The following ZFAT variants were observed in gnomAD, a reference collection of about 807,000 sequenced individuals.
ZFAT encodes zinc finger and AT-hook domain containing, also known as zinc finger protein ZFAT.
Under a neutral mutation model 117.7 loss-of-function variants are expected in ZFAT, and 64 were observed. The observed-to-expected ratio is 0.54, with a 90% CI of 0.44 to 0.67. The LOEUF (loss-of-function observed/expected upper bound fraction) is 0.67, where lower values mean the gene tolerates loss of function less well. ZFAT is among the 30% of genes least tolerant of loss of function. The probability of loss-of-function intolerance (pLI) is 0.00; values close to 1 mark genes in which losing one functional copy is unlikely to be tolerated. For missense variants in ZFAT, 1,433 were observed against 1,584.5 expected, an observed-to-expected ratio of 0.90 and a Z score of 1.62; for synonymous variants, 679 against 615.0, an observed-to-expected ratio of 1.10 and a Z score of -1.54.
the ZFAT span, among the ~76,000 whole-genome samples, chr8:134,831,943 C>T: frequency 6.6e-6 from 1 of 151,676 alleles, no homozygotes; most frequent in African/African-American, 2.4e-5. Flanking sequence ...CCGGTGTCCT[C>T]TCCGCTCCGG....
At chr8:134,701,852 T>C (rs1834016235) in intron 1 of ZFAT, among the ~76,000 whole-genome samples, 1 of 152,228 alleles carries the variant, frequency 6.6e-6, no homozygotes, top group Admixed American at 6.5e-5. Flanking sequence ...CTTGCTATGC[T>C]TTCAATGTTC....
intron 10 of ZFAT, among the ~76,000 whole-genome samples, chr8:134,582,882 T>C (rs2130844985): frequency 6.6e-6 from 1 of 152,398 alleles, no homozygotes; most frequent in South Asian, 2.1e-4. Flanking sequence ...TTTTGATTTC[T>C]ATAGTAAACT....
At chr8:134,831,354 A>G in the ZFAT span, among the ~76,000 whole-genome samples, 1 of 152,222 alleles carries the variant, frequency 6.6e-6, no homozygotes, top group Non-Finnish European at 1.5e-5. Flanking sequence ...CCTCTCTCCC[A>G]AGTAACTTTT....
the ZFAT span, among the ~76,000 whole-genome samples, chr8:134,802,875 A>T: frequency 6.6e-6 from 1 of 152,204 alleles, no homozygotes; most frequent in Non-Finnish European, 1.5e-5. Context: ...ATTTGCTATA[A>T]ATAATCAATT....
the ZFAT span, among the ~76,000 whole-genome samples, chr8:134,812,554 G>C: frequency 6.6e-6 from 1 of 152,214 alleles, no homozygotes; most frequent in East Asian, 1.9e-4. Flanking sequence ...GGCCAACATG[G>C]TGAAACCCTG....
intron 1 of ZFAT, among the ~76,000 whole-genome samples, chr8:134,666,500 G>A (rs950914928): frequency 2.0e-5 from 3 of 152,196 alleles, no homozygotes; most frequent in African/African-American, 7.2e-5. Flanking sequence ...ACAGATGTCA[G>A]AATTAGATGG....
At chr8:134,599,802 A>G (rs1422410654) in intron 7 of ZFAT, 1 of 455,706 alleles carries the variant, frequency 2.2e-6, no homozygotes, top group Admixed American at 2.4e-5. Flanking sequence ...CTCTTGAGTT[A>G]GATTAGAATT....
chr8:134,481,928 C>T (rs1275637495), intron 15 of ZFAT, among the ~76,000 whole-genome samples: 2 of 152,178 alleles, frequency 1.3e-5, no homozygotes, highest in African/African-American at 2.4e-5. Flanking sequence ...CCCTACAGCC[C>T]GACCAAGGCC....
At chr8:134,652,439 T>C (rs897054436) in intron 2 of ZFAT, among the ~76,000 whole-genome samples, 1 of 152,194 alleles carries the variant, frequency 6.6e-6, no homozygotes, top group African/African-American at 2.4e-5. Context: ...ATCCAAGGAC[T>C]GAAGAGCCGG....
At chr8:134,550,830 G>A (rs547951172) in intron 11 of ZFAT, among the ~76,000 whole-genome samples, 3 of 152,128 alleles carry the variant, frequency 2.0e-5, no homozygotes, top group Admixed American at 1.3e-4. Context: ...GCCCTGCCAT[G>A]CATCCCGCTC....
At chr8:134,592,646 A>T (rs1313356580) in intron 7 of ZFAT, among the ~76,000 whole-genome samples, 1 of 152,226 alleles carries the variant, frequency 6.6e-6, no homozygotes, top group Non-Finnish European at 1.5e-5. Context: ...AGTGCTCAAT[A>T]AATCTGAAAG....
the ZFAT span, chr8:134,785,471 A>G: frequency 1.6e-4 from 25 of 152,190 alleles, no homozygotes; most frequent in African/African-American, 5.5e-4. Context: ...ATTACCTTCT[A>G]AAATATTTAA....
At chr8:134,816,530 T>TA in the ZFAT span, among the ~76,000 whole-genome samples, 7 of 152,114 alleles carry the variant, frequency 4.6e-5, no homozygotes, top group East Asian at 1.9e-4. Context: ...GACTTTTCTT[T>TA]AAAAAATTCG....
upstream of ZFAT, among the ~76,000 whole-genome samples, chr8:134,714,118 CCCA>C (rs758096146): frequency 0.019 from 2,520 of 134,260 alleles, 40 homozygotes; most frequent in Non-Finnish European, 0.023. Flanking sequence ...CCCCCCCCCC[CCCA>C]AAAAAAAAAA....
At chr8:134,591,585 G>A (rs1351172471) in intron 7 of ZFAT, among the ~76,000 whole-genome samples, 1 of 152,204 alleles carries the variant, frequency 6.6e-6, no homozygotes, top group East Asian at 1.9e-4. Context: ...ACCTCAGAAT[G>A]TGACCTTATT....
intron 12 of ZFAT, among the ~76,000 whole-genome samples, chr8:134,522,521 C>T (rs572836017): frequency 3.3e-5 from 5 of 152,224 alleles, no homozygotes; most frequent in Non-Finnish European, 5.9e-5. Context: ...GCATCCCCTC[C>T]CATTTTCTCT....
At chr8:134,649,086 T>G (rs1332380765) in intron 2 of ZFAT, among the ~76,000 whole-genome samples, 2 of 151,736 alleles carry the variant, frequency 1.3e-5, no homozygotes, top group African/African-American at 4.9e-5. Flanking sequence ...AACACCATTT[T>G]ATGATTTAAA....
the ZFAT span, among the ~76,000 whole-genome samples, chr8:134,783,305 A>G: frequency 2.6e-5 from 4 of 152,192 alleles, no homozygotes; most frequent in African/African-American, 9.7e-5. Flanking sequence ...CAAGCAGCAC[A>G]GCAGGTGACT....
Position 134,487,937 on chromosome 8 carries a change from C to A in ZFAT, c.3493-9216G>T, listed in dbSNP as rs188008841. Among the ~76,000 whole-genome samples, 3 of 152,324 alleles carry A rather than the reference C, an allele frequency of 2.0e-5. No homozygotes were observed. In the East Asian group the frequency reaches 5.8e-4, roughly 29 times the overall value. On this transcript the variant is annotated intron_variant, in intron 15 of 15. Transcript: ENST00000377838. ...GAATGAATCACTGGGATAAAGAGTG[C>A]AGAGTGGAAGTCTTGCTCAAATCAC...
Sources: gnomAD v4.1 joint callset for allele counts (sites outside exome capture counted in the v4.1 genomes callset) on GRCh38, gnomAD v4.1.1 for gene constraint, MANE v1.5 for transcripts, NCBI Gene and HGNC (gene_info 2026-07-23, HGNC 2026-07-21) for gene names.